OPCML: variants seen among roughly 807,000 people sequenced by gnomAD.
OPCML encodes opioid binding protein/cell adhesion molecule like, also known as opioid-binding protein/cell adhesion molecule.
Under a neutral mutation model 37.8 loss-of-function variants are expected in OPCML, and 13 were observed. The observed-to-expected ratio is 0.34, with a 90% CI of 0.22 to 0.55. OPCML has a LOEUF of 0.55. OPCML is among the 20% of genes least tolerant of loss of function. The pLI, the probability that OPCML is intolerant of heterozygous loss-of-function variation, is 0.91. For synonymous variants in OPCML, 176 were observed against 168.8 expected (o/e 1.04, Z -0.33); for missense variants, 341 against 435.6 (o/e 0.78, Z 1.93).
chr11:132,959,762 A>C (rs1157690274), intron 1 of OPCML, among the ~76,000 whole-genome samples: 1 of 152,220 alleles, frequency 6.6e-6, no homozygotes, highest in East Asian at 1.9e-4. Context: ...GGAAGGCAGA[A>C]AGGAAATTGG....
At chr11:132,911,095 C>T (rs530182945) in intron 2 of OPCML, among the ~76,000 whole-genome samples, 10 of 152,356 alleles carry the variant, frequency 6.6e-5, no homozygotes, top group African/African-American at 1.9e-4. Context: ...CTTCTGACTC[C>T]AGAAATCCTA....
chr11:133,239,269 C>T (rs1349220622), intron 1 of OPCML, among the ~76,000 whole-genome samples: 1 of 152,228 alleles, frequency 6.6e-6, no homozygotes, highest in African/African-American at 2.4e-5. Flanking sequence ...AGATGTCTGA[C>T]ATTCTTTTGC....
intron 1 of OPCML, among the ~76,000 whole-genome samples, chr11:133,221,610 C>A (rs1049329607): frequency 6.6e-6 from 1 of 152,138 alleles, no homozygotes; most frequent in African/African-American, 2.4e-5. Flanking sequence ...TGTGAAGGTG[C>A]AAGGCAGTGT....
chr11:133,230,252 C>G lies in OPCML; in HGVS notation c.62-287242G>C, dbSNP rs139579648. Among the ~76,000 whole-genome samples, 699 of 152,326 alleles carry G rather than the reference C, an allele frequency of 4.6e-3. 4 individuals carry two copies. The highest frequency in any genetic ancestry group is 6.8e-3 in the Middle Eastern group (2 of 294). ...ATTCAGTGGAAAGGGGAACACTCAT[C>G]TTGGCTCATGGTGTCATGAAGCGTG... On this transcript the variant is annotated intron_variant, in intron 1 of 7. Coordinates refer to ENST00000524381, the MANE Select transcript of OPCML (RefSeq NM_001012393.5).
chr11:132,562,450 G>T (rs1194342525), intron 3 of OPCML, among the ~76,000 whole-genome samples: 5 of 151,924 alleles, frequency 3.3e-5, no homozygotes, highest in South Asian at 4.2e-4. Context: ...GGGAATCTGT[G>T]AACCAAACTG....
chr11:132,968,707 T>A (rs963433769), intron 1 of OPCML, among the ~76,000 whole-genome samples: 1 of 152,210 alleles, frequency 6.6e-6, no homozygotes, highest in African/African-American at 2.4e-5. Context: ...TAATCTTTTA[T>A]CTTGCAATCT....
chr11:132,971,951 C>T (rs763665686), intron 1 of OPCML, among the ~76,000 whole-genome samples: 1 of 152,170 alleles, frequency 6.6e-6, no homozygotes, highest in African/African-American at 2.4e-5. Context: ...CTGCTGCTGC[C>T]GTTATCCTCT....
intron 1 of OPCML, among the ~76,000 whole-genome samples, chr11:133,444,699 T>C (rs935795374): frequency 1.3e-5 from 2 of 152,204 alleles, no homozygotes; most frequent in African/African-American, 4.8e-5. Context: ...CCTAGAGAAA[T>C]AGATTAACTT....
At chr11:132,534,829 A>G (rs2096336040) in intron 3 of OPCML, among the ~76,000 whole-genome samples, 1 of 152,158 alleles carries the variant, frequency 6.6e-6, no homozygotes, top group Non-Finnish European at 1.5e-5. Flanking sequence ...ATAAGTGAGT[A>G]CCTGGTAAAT....
rs550683878 is a variant in OPCML, at chr11:133,138,887, A to T, written c.62-195877T>A. Among the ~76,000 whole-genome samples, 57 of 152,310 alleles carry T rather than the reference A, an allele frequency of 3.7e-4. 1 individual carries two copies. Among genetic ancestry groups the T allele is most frequent in the Non-Finnish European group, 6.9e-4 (47 of 68,026 alleles). On this transcript the variant is annotated intron_variant, in intron 1 of 7. Transcript: ENST00000524381. ...TGCCCGGAATGCTTGAATGATCAGC[A>T]AGTCTATTCTCCATTCATAAACCTA...
At chr11:133,278,986 C>T (rs1003343961) in intron 1 of OPCML, among the ~76,000 whole-genome samples, 1 of 152,198 alleles carries the variant, frequency 6.6e-6, no homozygotes, top group African/African-American at 2.4e-5. Context: ...AACTCCAAAG[C>T]CTGTGCAATC....
At chr11:133,460,978 GA>G (rs1234363567) in intron 1 of OPCML, among the ~76,000 whole-genome samples, 1 of 151,448 alleles carries the variant, frequency 6.6e-6, no homozygotes, top group Non-Finnish European at 1.5e-5. Context: ...ATGAAGGAGG[GA>G]AAAAAACACA....
chr11:132,890,856 CAAA>C (rs57246769), intron 2 of OPCML, among the ~76,000 whole-genome samples: 2 of 46,472 alleles, frequency 4.3e-5, no homozygotes, highest in Non-Finnish European at 9.7e-5. Context: ...GACTCCATCT[CAAA>C]AAAAAAAAAA....
intron 1 of OPCML, among the ~76,000 whole-genome samples, chr11:133,058,535 T>A (rs762992287): frequency 1.3e-5 from 2 of 152,144 alleles, no homozygotes; most frequent in Non-Finnish European, 2.9e-5. Flanking sequence ...TCTCTCCCTG[T>A]GTCCACTTCT....
chr11:133,457,286 A>C (rs1207782403), intron 1 of OPCML, among the ~76,000 whole-genome samples: 1 of 152,184 alleles, frequency 6.6e-6, no homozygotes, highest in Non-Finnish European at 1.5e-5. Flanking sequence ...TAATTCTAGC[A>C]CTTTGGGAGC....
intron 3 of OPCML, among the ~76,000 whole-genome samples, chr11:132,652,349 A>C (rs905727394): frequency 7.0e-6 from 1 of 142,538 alleles, no homozygotes; most frequent in Non-Finnish European, 1.5e-5. Context: ...AAGAATGACA[A>C]ACACACACAC....
chr11:132,632,315 A>T (rs2135696722), intron 3 of OPCML, among the ~76,000 whole-genome samples: 1 of 149,470 alleles, frequency 6.7e-6, no homozygotes, highest in African/African-American at 2.5e-5. Flanking sequence ...CGTCAAAGCA[A>T]GCAGCTGACA....
intron 2 of OPCML, among the ~76,000 whole-genome samples, chr11:132,740,329 T>TA (rs1336410139): frequency 3.3e-5 from 5 of 152,352 alleles, no homozygotes; most frequent in Admixed American, 2.0e-4. Context: ...GGTTCACTGT[T>TA]ACTTTCTCAG....
At chr11:132,582,032 A>G (rs554317241) in intron 3 of OPCML, among the ~76,000 whole-genome samples, 1 of 151,694 alleles carries the variant, frequency 6.6e-6, no homozygotes, top group Admixed American at 6.6e-5. Flanking sequence ...TCTATATCTC[A>G]GGGCCCAGAC....
Sources: allele counts gnomAD v4.1 joint callset (sites outside exome capture counted in the v4.1 genomes callset), GRCh38; gene constraint gnomAD v4.1.1; transcripts MANE v1.5; gene names NCBI Gene and HGNC (gene_info 2026-07-23, HGNC 2026-07-21).